TTC39B: variants seen among roughly 807,000 people sequenced by gnomAD.
The protein encoded by TTC39B is tetratricopeptide repeat domain 39B, also known as tetratricopeptide repeat protein 39B.
A neutral mutation model predicts 96.6 loss-of-function variants in TTC39B; 92 were observed. That is an observed-to-expected ratio of 0.95 (90% CI 0.80 to 1.13). TTC39B has a LOEUF of 1.13. Among genes scored for constraint, TTC39B ranks in the 50% most tolerant of loss-of-function variants. The pLI is 0.00. For missense variants in TTC39B, 955 were observed against 809.3 expected, an observed-to-expected ratio of 1.18 and a Z score of -2.18; for synonymous variants, 367 against 299.4, an observed-to-expected ratio of 1.23 and a Z score of -2.33.
At chr9:15,227,316 A>G (rs1821177652) in intron 2 of TTC39B, among the ~76,000 whole-genome samples, 1 of 152,154 alleles carries the variant, frequency 6.6e-6, no homozygotes, top group African/African-American at 2.4e-5. Context: ...CTCAAAAAAA[A>G]AAAAAAAGTG....
At chr9:15,294,421 T>C (rs1245526663) in intron 1 of TTC39B, among the ~76,000 whole-genome samples, 3 of 152,234 alleles carry the variant, frequency 2.0e-5, no homozygotes, top group Non-Finnish European at 4.4e-5. Flanking sequence ...GTAAGAACTT[T>C]ATGACATTGA....
intron 2 of TTC39B, among the ~76,000 whole-genome samples, chr9:15,239,443 A>C (rs762089497): frequency 1.1e-4 from 16 of 152,240 alleles, no homozygotes; most frequent in Non-Finnish European, 1.5e-4. Flanking sequence ...AGAAATCATT[A>C]TATAAAAAAG....
chr9:15,250,436 T>G (rs551105748), intron 2 of TTC39B, among the ~76,000 whole-genome samples: 1 of 152,298 alleles, frequency 6.6e-6, no homozygotes, highest in Non-Finnish European at 1.5e-5. Context: ...GAATGATCCC[T>G]TTTGTCTTAA....
chr9:15,236,543 C>T (rs376424984), intron 2 of TTC39B, among the ~76,000 whole-genome samples: 2 of 152,176 alleles, frequency 1.3e-5, no homozygotes, highest in African/African-American at 2.4e-5. Context: ...GTGCATGGAA[C>T]ATTCTCCAGA....
At chr9:15,167,203 ATTTTTTTTTT>A (rs35735770) in exon 20 of TTC39B, 1 of 43,944 alleles carries the variant, frequency 2.3e-5, no homozygotes, top group Non-Finnish European at 3.7e-5. Context: ...TGCACGGCTC[ATTTTTTTTTT>A]TTTTTTTTTT....
At chr9:15,276,627 TA>T (rs1324247204) in intron 1 of TTC39B, among the ~76,000 whole-genome samples, 34 of 152,348 alleles carry the variant, frequency 2.2e-4, no homozygotes, top group African/African-American at 8.2e-4. Flanking sequence ...CTACGCACTA[TA>T]AATAAATACA....
At chr9:15,272,688 T>G (rs1823400354) in intron 1 of TTC39B, among the ~76,000 whole-genome samples, 1 of 151,990 alleles carries the variant, frequency 6.6e-6, no homozygotes, top group Non-Finnish European at 1.5e-5. Flanking sequence ...CTAGTTGGAG[T>G]CAAGCACCAT....
At chr9:15,301,441 A>G (rs1308527104) in intron 1 of TTC39B, among the ~76,000 whole-genome samples, 1 of 152,218 alleles carries the variant, frequency 6.6e-6, no homozygotes. Context: ...CAGGCGTTCA[A>G]TGAACGTTGG....
Position 15,252,579 on chromosome 9 carries a change from C to T in TTC39B, c.275+15335G>A, listed in dbSNP as rs149231493. Among the ~76,000 whole-genome samples, 1,038 of 151,778 alleles carry T rather than the reference C, an allele frequency of 6.8e-3. 19 individuals carry two copies. Among genetic ancestry groups the T allele is most frequent in the African/African-American group, 0.024 (975 of 41,358 alleles). ...AGGAGAATGGCTTGAACCTGGGAGGCACAGGTTGCAGTGAGCCAAGATGGC... is the reference window on the plus strand; with the variant it reads ...AGGAGAATGGCTTGAACCTGGGAGGTACAGGTTGCAGTGAGCCAAGATGGC... On this transcript the variant is annotated intron_variant, in intron 2 of 19. Transcript: ENST00000512701.
rs114279356 is a variant in TTC39B, at chr9:15,221,117, A to G, written c.371+4800T>C. On this transcript the variant is annotated intron_variant, in intron 3 of 19. Coordinates refer to ENST00000512701, the Ensembl canonical transcript of TTC39B. ...GGGAGTCACTAAGCATCTTCAGGGG[A>G]GGTTCTCAAGACTCTGCAGATACCC... Among the ~76,000 whole-genome samples, 1,406 of 152,150 alleles carry G rather than the reference A, an allele frequency of 9.2e-3. 22 individuals are homozygous for G. Among genetic ancestry groups the G allele is most frequent in the African/African-American group, 0.033 (1,365 of 41,494 alleles).
At chr9:15,247,716 G>A (rs12345299) in intron 2 of TTC39B, among the ~76,000 whole-genome samples, 24,920 of 152,044 alleles carry the variant, frequency 0.16, 2,884 homozygotes, top group African/African-American at 0.33. Context: ...GCTGTTAACA[G>A]GTGGAAAGCA....
Position 15,226,943 on chromosome 9 carries a change from C to T in TTC39B, c.276-931G>A, listed in dbSNP as rs535327573. ...GAGTCATTAAAAAAAGAGGTAAAGTCATTAAAAAAAGAGGAGAAGTTTTGC... is the reference window on the plus strand; with the variant it reads ...GAGTCATTAAAAAAAGAGGTAAAGTTATTAAAAAAAGAGGAGAAGTTTTGC... On this transcript the variant is annotated intron_variant, in intron 2 of 19. Coordinates refer to ENST00000512701, the Ensembl canonical transcript of TTC39B. Among the ~76,000 whole-genome samples the T allele has an allele frequency of 3.3e-5, 5 of 152,172 alleles. No homozygotes were observed. The East Asian group carries it at 9.7e-4, about 29-fold the overall frequency.
chr9:15,302,471 G>A (rs1444682486), intron 1 of TTC39B, among the ~76,000 whole-genome samples: 1 of 144,152 alleles, frequency 6.9e-6, no homozygotes, highest in Non-Finnish European at 1.5e-5. Context: ...AAAAAAATTA[G>A]CCGGGTGTGG....
At chr9:15,234,729 C>T (rs1391289193) in intron 2 of TTC39B, among the ~76,000 whole-genome samples, 1 of 151,634 alleles carries the variant, frequency 6.6e-6, no homozygotes, top group East Asian at 1.9e-4. Flanking sequence ...TGTGACCTTA[C>T]CCCCAACCCT....
chr9:15,210,552 A>C (rs751124986), intron 5 of TTC39B, among the ~76,000 whole-genome samples: 8 of 152,246 alleles, frequency 5.3e-5, no homozygotes, highest in Non-Finnish European at 8.8e-5. Flanking sequence ...ACACAATTAC[A>C]TCAGGATGTA....
At chr9:15,294,068 C>A (rs1180575690) in intron 1 of TTC39B, among the ~76,000 whole-genome samples, 1 of 152,174 alleles carries the variant, frequency 6.6e-6, no homozygotes, top group Non-Finnish European at 1.5e-5. Context: ...AAATTTAATT[C>A]TGCTGAAGTT....
intron 16 of TTC39B, among the ~76,000 whole-genome samples, chr9:15,184,017 A>G (rs1465990209): frequency 6.6e-6 from 1 of 152,212 alleles, no homozygotes; most frequent in Non-Finnish European, 1.5e-5. Flanking sequence ...TCTTTCTCAT[A>G]GAATGTATAA....
chr9:15,302,509 C>T (rs1824628756), intron 1 of TTC39B, among the ~76,000 whole-genome samples: 1 of 108,914 alleles, frequency 9.2e-6, no homozygotes, highest in African/African-American at 3.5e-5. Context: ...CACTGCACTC[C>T]AATCTGGGTG....
intron 2 of TTC39B, among the ~76,000 whole-genome samples, chr9:15,246,331 A>G (rs1476753529): frequency 6.6e-6 from 1 of 151,532 alleles, no homozygotes; most frequent in Non-Finnish European, 1.5e-5. Context: ...TAGTCTGCAG[A>G]GGGGTATCTC....
Sources: allele counts gnomAD v4.1 joint callset (sites outside exome capture counted in the v4.1 genomes callset), GRCh38; gene constraint gnomAD v4.1.1; transcripts MANE v1.5; gene names NCBI Gene and HGNC (gene_info 2026-07-23, HGNC 2026-07-21).